Variants in SEC24A observed in about 807,000 individuals in gnomAD.
The protein encoded by SEC24A is protein transport protein Sec24A.
Under a neutral mutation model 129.4 loss-of-function variants are expected in SEC24A, and 93 were observed. The observed-to-expected ratio is 0.72, with a 90% CI of 0.61 to 0.85. The LOEUF (loss-of-function observed/expected upper bound fraction) is 0.85, where lower values mean the gene tolerates loss of function less well. Among genes scored for constraint, SEC24A ranks in the 40% least tolerant of loss-of-function variants. The probability of loss-of-function intolerance (pLI) is 0.00; values close to 1 mark genes in which losing one functional copy is unlikely to be tolerated. For synonymous variants in SEC24A, 460 were observed against 467.3 expected (o/e 0.98, Z 0.20); for missense variants, 1,264 against 1,307.4 (o/e 0.97, Z 0.51).
At chr5:134,705,092 T>A (rs10670950) in intron 16 of SEC24A, among the ~76,000 whole-genome samples, 18,692 of 104,534 alleles carry the variant, frequency 0.18, 1,353 homozygotes, top group East Asian at 0.27. Context: ...ATATATATAT[T>A]TTTTTTTTTT....
At chr5:134,667,028 C>T in intron 3 of SEC24A, 32 bp downstream of exon 3, 1 of 1,498,534 alleles carries the variant, frequency 6.7e-7, no homozygotes, top group Non-Finnish European at 8.9e-7. Context: ...GTCAAATCCT[C>T]AAGTTTTGAC....
At chr5:134,699,694 CTCT>C (rs911320622) in intron 15 of SEC24A, among the ~76,000 whole-genome samples, 4 of 139,156 alleles carry the variant, frequency 2.9e-5, no homozygotes, top group African/African-American at 1.1e-4. Flanking sequence ...AGTTTGTACT[CTCT>C]TTTTTTTTTT....
intron 16 of SEC24A, among the ~76,000 whole-genome samples, chr5:134,704,213 G>A (rs770460015): frequency 6.3e-4 from 96 of 152,152 alleles, no homozygotes; most frequent in Non-Finnish European, 4.1e-4. Flanking sequence ...GGGAGTACAG[G>A]TGTGCGCCAC....
intron 12 of SEC24A, chr5:134,692,970 C>T: frequency 3.0e-6 from 4 of 1,346,374 alleles, no homozygotes; most frequent in Non-Finnish European, 4.1e-6. Flanking sequence ...AGCTTCTGGT[C>T]ACTACATAGA....
At position 134,725,641 on chromosome 5, in the gene SEC24A, C is replaced by CTAGAG. The variant is rs10637666; in HGVS notation, c.*549_*550insGAGTA. 55,722 of 151,736 alleles carry CTAGAG rather than the reference C, an allele frequency of 0.37. 11,221 individuals carry two copies. Among genetic ancestry groups the CTAGAG allele is most frequent in the East Asian group, 0.67 (3,426 of 5,130 alleles). The allele number at this position is 151,736 out of a possible 1,614,324, so 9.4% of individuals were successfully genotyped here. Reference sequence around the variant, plus strand: ...AGGGAAAGGATCATGTTGACTAAAACTAAACTAATTCTAGTATAGCTTGAG... The same window carrying CTAGAG: ...AGGGAAAGGATCATGTTGACTAAAACTAGAGTAAACTAATTCTAGTATAGCTTGAG... On this transcript the variant is annotated 3_prime_UTR_variant, in exon 23 of 23. Transcript: ENST00000398844.
chr5:134,703,904 G>T lies in SEC24A; in HGVS notation c.2412G>T (p.Gln804His). Residue 804 changes from glutamine (Q) to histidine (H), a missense_variant, in exon 16 of 23, where the codon CAG becomes CAT. By Grantham distance (24) the Gln-to-His change is conservative (BLOSUM62 0). Transcript: ENST00000398844. ...SLTDTQLVSF[Q>H]SALLYTSSKG... Reference sequence around the variant, plus strand: ...CTGACACTCAGTTGGTTTCTTTTCAGTCAGCACTCTTGTATACATCCAGCA... The same window carrying T: ...CTGACACTCAGTTGGTTTCTTTTCATTCAGCACTCTTGTATACATCCAGCA... 1 of 1,607,690 alleles carries T rather than the reference G, an allele frequency of 6.2e-7. No homozygotes were observed. Among genetic ancestry groups the T allele is most frequent in the Non-Finnish European group, 8.5e-7 (1 of 1,175,042 alleles).
intron 1 of SEC24A, among the ~76,000 whole-genome samples, chr5:134,653,140 C>T (rs2150066236): frequency 6.6e-6 from 1 of 152,152 alleles, no homozygotes; most frequent in South Asian, 2.1e-4. Flanking sequence ...GGGGTTTCAC[C>T]ATGTTGGCCA....
chr5:134,701,971 G>C (rs796608228), intron 15 of SEC24A, among the ~76,000 whole-genome samples: 3 of 152,238 alleles, frequency 2.0e-5, no homozygotes, highest in African/African-American at 7.2e-5. Context: ...GAGAACTCAA[G>C]CATAACTTCT....
chr5:134,717,687 G>T (rs949215297), intron 19 of SEC24A, among the ~76,000 whole-genome samples: 2 of 152,026 alleles, frequency 1.3e-5, no homozygotes, highest in East Asian at 3.9e-4. Context: ...AGGCCGAGGC[G>T]GGTGGATCAA....
chr5:134,691,273 A>T (rs910233494), intron 11 of SEC24A, among the ~76,000 whole-genome samples: 1 of 150,404 alleles, frequency 6.6e-6, no homozygotes, highest in Non-Finnish European at 1.5e-5. Flanking sequence ...CCTGGGTTCA[A>T]GCAATTCTCT....
At chr5:134,718,396 T>C (rs963065066) in intron 20 of SEC24A, among the ~76,000 whole-genome samples, 1 of 152,228 alleles carries the variant, frequency 6.6e-6, no homozygotes, top group Admixed American at 6.5e-5. Context: ...TAGTATTTAC[T>C]ATGCTATTTT....
At chr5:134,668,181 G>A (rs1375065736) in intron 3 of SEC24A, among the ~76,000 whole-genome samples, 2 of 152,122 alleles carry the variant, frequency 1.3e-5, no homozygotes, top group Admixed American at 6.6e-5. Context: ...AAACAGATGA[G>A]GGGGTAAAAC....
At chr5:134,677,705 T>TG (rs1751115843) in intron 7 of SEC24A, among the ~76,000 whole-genome samples, 1 of 151,632 alleles carries the variant, frequency 6.6e-6, no homozygotes, top group Admixed American at 6.6e-5. Context: ...AGCATGGTGA[T>TG]GCACACCTAT....
intron 15 of SEC24A, among the ~76,000 whole-genome samples, chr5:134,703,464 C>T (rs912514129): frequency 2.0e-5 from 3 of 152,090 alleles, no homozygotes; most frequent in Non-Finnish European, 2.9e-5. Flanking sequence ...GACAGGGTTT[C>T]ACCATGTTAT....
At chr5:134,723,743 CA>C (rs200031714) in intron 22 of SEC24A, 73 bp downstream of exon 22, 996 of 742,250 alleles carry the variant, frequency 1.3e-3, no homozygotes, top group South Asian at 2.3e-3. Flanking sequence ...AAGAGTATAG[CA>C]AAAAAAAAGA....
At chr5:134,672,165 G>A (rs372893966) in intron 4 of SEC24A, among the ~76,000 whole-genome samples, 1 of 151,774 alleles carries the variant, frequency 6.6e-6, no homozygotes, top group East Asian at 1.9e-4. Flanking sequence ...CCATAGCCAC[G>A]TGTCACCATG....
At chr5:134,717,965 C>A in intron 19 of SEC24A, 104 bp from the exon 20 acceptor site, 1 of 757,148 alleles carries the variant, frequency 1.3e-6, no homozygotes, top group South Asian at 1.7e-5. Flanking sequence ...CTAAGCAAGG[C>A]CCAGACTTGT....
rs1751878781 is a variant in SEC24A at position 134,697,983 on chromosome 5, T to C, written c.2192T>C (p.Leu731Ser). 1 of 1,613,942 alleles carries C rather than the reference T, an allele frequency of 6.2e-7. No individual in the cohort carries two copies. The highest frequency in any genetic ancestry group is 8.5e-7 in the Non-Finnish European group (1 of 1,179,976). Residue 731 changes from leucine (L) to serine (S), a missense_variant, in exon 15 of 23, where the codon TTA (leucine) becomes TCA (serine). By Grantham distance (145) the Leu-to-Ser change is moderately radical (BLOSUM62 -2). Transcript: ENST00000398844. ...CACAACCCAGTCCAAGTACAGAAATTACAGAAGGAACTACAGAGATACCTT... is the reference window on the plus strand; with the variant it reads ...CACAACCCAGTCCAAGTACAGAAATCACAGAAGGAACTACAGAGATACCTT... Reference protein sequence around the residue: ...HQHNPVQVQKLQKELQRYLTR... With the variant: ...HQHNPVQVQKSQKELQRYLTR...
intron 7 of SEC24A, among the ~76,000 whole-genome samples, chr5:134,679,259 A>G (rs1751177416): frequency 7.2e-6 from 1 of 138,396 alleles, no homozygotes. Flanking sequence ...ATGTTTCACT[A>G]TGTTGCCCAG....
Sources: gnomAD v4.1 joint callset for allele counts (sites outside exome capture counted in the v4.1 genomes callset) on GRCh38, gnomAD v4.1.1 for gene constraint, MANE v1.5 for transcripts, NCBI Gene and HGNC (gene_info 2026-07-23, HGNC 2026-07-21) for gene names.